DLGAP2: variants seen among roughly 807,000 people sequenced by gnomAD.
The protein encoded by DLGAP2 is disks large-associated protein 2.
Under a neutral mutation model 100.3 loss-of-function variants are expected in DLGAP2, and 26 were observed. The observed-to-expected ratio is 0.26, with a 90% CI of 0.19 to 0.36. DLGAP2 has a LOEUF of 0.36. DLGAP2 is among the 10% of genes least tolerant of loss of function. DLGAP2 has a pLI of 1.00. For missense variants in DLGAP2, 1,858 were observed against 1,453.2 expected, an observed-to-expected ratio of 1.28 and a Z score of -4.53; for synonymous variants, 886 against 630.1, an observed-to-expected ratio of 1.41 and a Z score of -6.08.
intron 8 of DLGAP2, among the ~76,000 whole-genome samples, chr8:1,634,306 C>G (rs1797718669): frequency 6.6e-6 from 1 of 152,180 alleles, no homozygotes; most frequent in Admixed American, 6.5e-5. Flanking sequence ...AATGCTGGCA[C>G]CACTGAGCCG....
intron 3 of DLGAP2, among the ~76,000 whole-genome samples, chr8:1,378,674 G>A (rs193200216): frequency 2.1e-3 from 316 of 152,376 alleles, no homozygotes; most frequent in Admixed American, 4.6e-3. Context: ...GTTGGGCGGG[G>A]ACAGGCTCCA....
At chr8:1,255,110 T>TGTGTGTGTCCTCTCCTGCCCGGGCGCTGA (rs1799161227) in intron 2 of DLGAP2, among the ~76,000 whole-genome samples, 1 of 138,960 alleles carries the variant, frequency 7.2e-6, no homozygotes, top group African/African-American at 2.8e-5. Context: ...CTGGGTGCTG[T>TGTGTGTGTCCTCTCCTGCCCGGGCGCTGA]GTGTGTGTCC....
intron 4 of DLGAP2, among the ~76,000 whole-genome samples, chr8:1,538,692 G>T (rs555433138): frequency 1.3e-5 from 2 of 152,080 alleles, no homozygotes; most frequent in African/African-American, 2.4e-5. Flanking sequence ...GAATTGGATT[G>T]TACCATTGTC....
Position 1,258,839 on chromosome 8 carries a change from C to T in DLGAP2, c.74-12C>T. ...TGTGGGTGTAACAGCTTCTCTCTGT[C>T]TCTGTTTTCAGAGTCGCAGTGCACG... On this transcript the variant is annotated splice_polypyrimidine_tract_variant and intron_variant, in intron 2 of 14. Transcript: ENST00000637795. The T allele has an allele frequency of 8.1e-7, 1 of 1,231,682 alleles. No homozygotes were observed. The allele number at this position is 1,231,682 out of a possible 1,614,324, so 76.3% of individuals were successfully genotyped here. A position where few individuals can be genotyped will look rare whatever the true frequency, so the allele number is the denominator to read the frequency against.
At chr8:1,310,947 A>C (rs560663318) in intron 3 of DLGAP2, among the ~76,000 whole-genome samples, 1 of 152,232 alleles carries the variant, frequency 6.6e-6, no homozygotes, top group East Asian at 1.9e-4. Context: ...AGTAAAAAAG[A>C]GATCATTAAA....
At chr8:1,624,556 G>T (rs1342796220) in intron 6 of DLGAP2, among the ~76,000 whole-genome samples, 1 of 151,792 alleles carries the variant, frequency 6.6e-6, no homozygotes, top group Non-Finnish European at 1.5e-5. Flanking sequence ...TCAGGATGCT[G>T]TTGACATTTT....
intron 1 of DLGAP2, among the ~76,000 whole-genome samples, chr8:902,289 G>A (rs540465804): frequency 1.3e-5 from 2 of 152,108 alleles, no homozygotes; most frequent in South Asian, 2.1e-4. Flanking sequence ...GGCACAGAGC[G>A]GACGTGTGTT....
chr8:1,537,478 C>G (rs1461297845), intron 4 of DLGAP2, among the ~76,000 whole-genome samples: 2 of 152,118 alleles, frequency 1.3e-5, no homozygotes, highest in Non-Finnish European at 2.9e-5. Flanking sequence ...CCACCCTGCC[C>G]CAGTCTCTCA....
intron 2 of DLGAP2, among the ~76,000 whole-genome samples, chr8:1,225,245 A>G (rs180962426): frequency 1.3e-5 from 2 of 152,388 alleles, no homozygotes; most frequent in East Asian, 1.9e-4. Context: ...TTTCTCAGTT[A>G]TGAACACGAG....
intron 4 of DLGAP2, among the ~76,000 whole-genome samples, chr8:1,541,213 G>A (rs955524022): frequency 2.6e-5 from 4 of 152,106 alleles, no homozygotes; most frequent in South Asian, 2.1e-4. Flanking sequence ...TCCTCTTTGT[G>A]TTTAATCCAT....
intron 6 of DLGAP2, among the ~76,000 whole-genome samples, chr8:1,607,388 C>T (rs908246796): frequency 9.8e-5 from 15 of 152,296 alleles, no homozygotes; most frequent in African/African-American, 3.6e-4. Flanking sequence ...TAATGCTCAT[C>T]ACATCTGTTC....
chr8:1,238,588 A>G (rs1445058975), intron 2 of DLGAP2, among the ~76,000 whole-genome samples: 33 of 54,586 alleles, frequency 6.0e-4, no homozygotes, highest in African/African-American at 2.5e-3. Flanking sequence ...GTGTCTAGTT[A>G]CCTATCACAT....
chr8:1,130,603 C>T (rs903123303), intron 2 of DLGAP2, among the ~76,000 whole-genome samples: 1 of 152,176 alleles, frequency 6.6e-6, no homozygotes, highest in African/African-American at 2.4e-5. Flanking sequence ...AAGGAGACAC[C>T]CCCCTGGGTG....
intron 2 of DLGAP2, among the ~76,000 whole-genome samples, chr8:1,236,292 C>T (rs1380904769): frequency 8.0e-5 from 4 of 50,196 alleles, no homozygotes; most frequent in African/African-American, 1.8e-4. Context: ...CACATGGCGC[C>T]GTGTCTAGTT....
intron 3 of DLGAP2, among the ~76,000 whole-genome samples, chr8:1,443,525 C>G (rs1049929181): frequency 1.3e-5 from 2 of 152,182 alleles, no homozygotes; most frequent in Non-Finnish European, 2.9e-5. Flanking sequence ...TGTTCTCACC[C>G]TGCTAATAAA....
chr8:1,224,400 T>G (rs1260498202), intron 2 of DLGAP2, among the ~76,000 whole-genome samples: 1 of 152,240 alleles, frequency 6.6e-6, no homozygotes, highest in African/African-American at 2.4e-5. Context: ...GAAAGCATCT[T>G]AAATAATTAT....
At chr8:858,342 T>C (rs1443310199) in intron 1 of DLGAP2, among the ~76,000 whole-genome samples, 2 of 152,206 alleles carry the variant, frequency 1.3e-5, no homozygotes, top group African/African-American at 2.4e-5. Flanking sequence ...GGCTACGCAA[T>C]GTAGGATTCC....
intron 3 of DLGAP2, among the ~76,000 whole-genome samples, chr8:1,287,510 G>A (rs1799960271): frequency 9.9e-6 from 1 of 101,108 alleles, no homozygotes; most frequent in African/African-American, 4.4e-5. Flanking sequence ...CTGTTAGGAG[G>A]GGAACTAGTT....
intron 2 of DLGAP2, among the ~76,000 whole-genome samples, chr8:955,411 C>T (rs1420922367): frequency 6.6e-6 from 1 of 152,064 alleles, no homozygotes; most frequent in Admixed American, 6.6e-5. Context: ...TCCATTCATC[C>T]TCCTCCCTCC....
Sources: allele counts gnomAD v4.1 joint callset (sites outside exome capture counted in the v4.1 genomes callset), GRCh38; gene constraint gnomAD v4.1.1; transcripts MANE v1.5; gene names NCBI Gene and HGNC (gene_info 2026-07-23, HGNC 2026-07-21).